Variants in SGTA observed in about 807,000 individuals in gnomAD.
The protein encoded by SGTA is small glutamine-rich tetratricopeptide repeat-containing protein alpha.
In SGTA, 22 loss-of-function variants were observed where a neutral mutation model predicts 44.3. The ratio of observed to expected loss-of-function variants is 0.50; its 90% CI spans 0.36 to 0.71. SGTA has a LOEUF of 0.71. Among genes scored for constraint, SGTA ranks in the 30% least tolerant of loss-of-function variants. The probability of loss-of-function intolerance (pLI) is 0.00; values close to 1 mark genes in which losing one functional copy is unlikely to be tolerated. For missense variants in SGTA, 341 were observed against 435.9 expected, an observed-to-expected ratio of 0.78 and a Z score of 1.94; for synonymous variants, 174 against 177.6, an observed-to-expected ratio of 0.98 and a Z score of 0.16.
chr19:2,759,290 G>A lies in SGTA; in HGVS notation c.704C>T (p.Ser235Leu), dbSNP rs1262897087. ...AATCTGGGGATTGTTCATTAGGTTC[G>A]AAGCCTGAAGAACAGAACAAATTTG... ...LNNPGFMSMA[S>L]NLMNNPQIQQ... The change falls in exon 9 of 12, where the codon TCG (serine) becomes TTG (leucine). Residue 235 changes from serine to leucine, a missense_variant. Physicochemically the swap from Ser to Leu is moderately radical, Grantham distance 145. Transcript: ENST00000221566. The A allele has an allele frequency of 2.5e-6, 4 of 1,613,870 alleles. No individual in the cohort carries two copies. The highest frequency in any genetic ancestry group is 1.1e-5 in the South Asian group (1 of 91,060).
At chr19:2,779,181 T>C (rs879756733) in intron 1 of SGTA, among the ~76,000 whole-genome samples, 7 of 152,172 alleles carry the variant, frequency 4.6e-5, no homozygotes, top group Middle Eastern at 3.2e-3. Flanking sequence ...ACAGGTCAGC[T>C]TTTTCTGTCC....
At position 2,761,498 on chromosome 19, in the gene SGTA, T is replaced by C. The variant is rs1331199398; in HGVS notation, c.661A>G (p.Ile221Val). ...CCAGGGTTGTTCAGCAGGCCGGCGA[T>C]GTCGAAGCTGCCCACGCCTCCCGTC... is the stretch of plus-strand genomic sequence containing the variant. ...SPTGGVGSFD[I>V]AGLLNNPGFM... is the part of the protein sequence containing the mutation. Residue 221 changes from isoleucine to valine, a missense_variant, in exon 8 of 12, where the codon ATC becomes GTC. Coordinates refer to ENST00000221566, the MANE Select transcript of SGTA (RefSeq NM_003021.4). This position sits in a 1 kb window ranked among gnomAD's most constrained non-coding sequence, Gnocchi z 5.7. 5.8e-6 allele frequency: 9 copies of C among 1,551,524 alleles called. No homozygotes were observed. Among genetic ancestry groups the C allele is most frequent in the South Asian group, 2.4e-5 (2 of 84,064 alleles).
chr19:2,769,403 C>T (rs1915237230), intron 1 of SGTA, among the ~76,000 whole-genome samples: 1 of 152,128 alleles, frequency 6.6e-6, no homozygotes, highest in South Asian at 2.1e-4. Flanking sequence ...CCACGGAGGT[C>T]CCCTCCGCCC....
chr19:2,756,337 G>A (rs1178871060), intron 11 of SGTA, among the ~76,000 whole-genome samples: 1 of 151,860 alleles, frequency 6.6e-6, no homozygotes, highest in Admixed American at 6.6e-5. Flanking sequence ...CTGAATGCAC[G>A]GCTCACACTT....
Position 2,765,206 on chromosome 19 carries a change from G to C in SGTA, c.372C>G (p.Asn124Lys). 1.2e-6 allele frequency: 2 copies of C among 1,614,006 alleles called. No homozygotes were observed. Among genetic ancestry groups the C allele is most frequent in the Non-Finnish European group, 1.7e-6 (2 of 1,179,922 alleles). ...YGKAIELNPA[N>K]AVYFCNRAAA... ...GGTACCTGTTGCAGAAATAGACGGC[G>C]TTGGCTGGGTTGAGCTCGATGGCTT... is the stretch of plus-strand genomic sequence containing the variant. The change falls in exon 5 of 12, where the codon AAC becomes AAG. Residue 124 changes from asparagine to lysine, a missense_variant. Coordinates refer to ENST00000221566, the MANE Select transcript of SGTA (RefSeq NM_003021.4). This position sits in a 1 kb window ranked among gnomAD's most constrained non-coding sequence, Gnocchi z 5.5.
rs201639336 is a variant in SGTA, at chr19:2,759,548, G to A, written c.700-254C>T. 22 of 518,466 alleles carry A rather than the reference G, an allele frequency of 4.2e-5. No homozygotes were observed. In the East Asian group the frequency reaches 4.6e-4, roughly 11 times the overall value. The allele number at this position is 518,466 out of a possible 1,614,324, so 32.1% of individuals were successfully genotyped here. ...AGGAGCGATCTCGCAGCGCCACAGC[G>A]CTCTCTCACTGGCTGCTGCGGTTTT... is the stretch of plus-strand genomic sequence containing the variant. On this transcript the variant is annotated intron_variant, in intron 8 of 11. Transcript: ENST00000221566.
intron 8 of SGTA, 70 bp from the exon 9 acceptor site, chr19:2,759,364 T>G: frequency 6.8e-7 from 1 of 1,462,266 alleles, no homozygotes; most frequent in Non-Finnish European, 9.6e-7. Context: ...TCAGACACTT[T>G]CCATCTTAAC....
intron 1 of SGTA, among the ~76,000 whole-genome samples, chr19:2,769,752 G>A (rs2144732099): frequency 8.5e-6 from 1 of 117,356 alleles, no homozygotes; most frequent in East Asian, 2.3e-4. Flanking sequence ...CCCCCCTCTA[G>A]TTCCCCCTCG....
intron 8 of SGTA, among the ~76,000 whole-genome samples, chr19:2,760,949 G>A (rs1914972533): frequency 6.6e-6 from 1 of 152,206 alleles, no homozygotes; most frequent in South Asian, 2.1e-4. Context: ...GCTCTCCGAG[G>A]ATCCCAGTCA....
intron 1 of SGTA, among the ~76,000 whole-genome samples, chr19:2,771,370 G>C (rs1287435901): frequency 6.6e-6 from 1 of 152,094 alleles, no homozygotes; most frequent in African/African-American, 2.4e-5. Flanking sequence ...GTTGCAGTGA[G>C]CTGAGATCAC....
At chr19:2,772,680 G>C (rs1462573828) in intron 1 of SGTA, among the ~76,000 whole-genome samples, 2 of 152,238 alleles carry the variant, frequency 1.3e-5, no homozygotes, top group Non-Finnish European at 2.9e-5. Flanking sequence ...GGTCCCTAGA[G>C]CAATAACCAA....
At chr19:2,768,925 G>A in intron 2 of SGTA, 44 bp downstream of exon 2, 5 of 1,445,968 alleles carry the variant, frequency 3.5e-6, no homozygotes, top group Non-Finnish European at 4.9e-6. Context: ...CGACTGTGCT[G>A]GCCGCTGCCC....
chr19:2,779,328 G>A (rs1403029496), intron 1 of SGTA, among the ~76,000 whole-genome samples: 1 of 152,120 alleles, frequency 6.6e-6, no homozygotes, highest in Non-Finnish European at 1.5e-5. Flanking sequence ...ACAGGCCAGT[G>A]GTGCCAGGAC....
intron 1 of SGTA, among the ~76,000 whole-genome samples, chr19:2,781,746 A>T (rs1390591206): frequency 1.3e-5 from 2 of 152,118 alleles, no homozygotes; most frequent in East Asian, 3.9e-4. Flanking sequence ...TTCTCTCTGC[A>T]CGAAATTGGG....
chr19:2,763,846 C>T lies in SGTA; in HGVS notation c.393-89G>A, dbSNP rs535305854. On this transcript the variant is annotated intron_variant, in intron 5 of 11. Coordinates refer to ENST00000221566, the MANE Select transcript of SGTA (RefSeq NM_003021.4). This position sits in a 1 kb window ranked among gnomAD's most constrained non-coding sequence, Gnocchi z 5.8. ...AGGGGAGCCTGAGAGCTGCGTTCCTCTCCAACTTCCTGGAGGAACGGCCTC... is the reference window on the plus strand; with the variant it reads ...AGGGGAGCCTGAGAGCTGCGTTCCTTTCCAACTTCCTGGAGGAACGGCCTC... 6 of 977,768 alleles carry T rather than the reference C, an allele frequency of 6.1e-6. No homozygotes were observed. Among genetic ancestry groups the T allele is most frequent in the East Asian group, 5.3e-5 (2 of 38,044 alleles). The allele number at this position is 977,768 out of a possible 1,614,324, so 60.6% of individuals were successfully genotyped here.
In SGTA at chr19:2,765,235, C is replaced by T. The variant is rs761867907; in HGVS notation, c.343G>A (p.Gly115Arg). The change falls in exon 5 of 12, where the codon GGA (glycine) becomes AGA (arginine). Residue 115 changes from glycine to arginine, a missense_variant. Gly to Arg is a moderately radical substitution (Grantham distance 125). Coordinates refer to ENST00000221566, the MANE Select transcript of SGTA (RefSeq NM_003021.4). The surrounding 1 kb of genome is among the most constrained non-coding windows in gnomAD (Gnocchi z 5.5). The part of the protein sequence containing the change: ...ENFEAAVHFY[G>R]KAIELNPANA... ...GCTGGGTTGAGCTCGATGGCTTTTC[C>T]GTAGAAATGCACGGCAGCTTCAAAG... is the stretch of plus-strand genomic sequence containing the variant. The T allele has an allele frequency of 3.7e-6, 6 of 1,613,976 alleles. No homozygotes were observed. The African/African-American group carries it at 4.0e-5, about 11-fold the overall frequency.
In SGTA at chr19:2,763,685, G is replaced by A; in HGVS notation, c.465C>T (p.Asp155=). 6.2e-7 allele frequency: 1 copy of A among 1,613,774 alleles called. No individual in the cohort carries two copies. The highest frequency in any genetic ancestry group is 8.5e-7 in the Non-Finnish European group (1 of 1,179,954). ...VQDCERAICI[D]PAYSKAYGRM... is the part of the protein sequence containing the mutation. The stretch of plus-strand genomic sequence containing the variant: ...TGCCGTAGGCCTTGCTGTAGGCCGG[G>A]TCAATGCAGATGGCCCGCTCACAGT... The change falls in exon 6 of 12, where the codon GAC becomes GAT. Residue 155 remains aspartate (D), a synonymous_variant. Coordinates refer to ENST00000221566, the MANE Select transcript of SGTA (RefSeq NM_003021.4). This position sits in a 1 kb window ranked among gnomAD's most constrained non-coding sequence, Gnocchi z 5.8.
chr19:2,780,211 G>T (rs1221320181), intron 1 of SGTA, among the ~76,000 whole-genome samples: 1 of 152,124 alleles, frequency 6.6e-6, no homozygotes, highest in African/African-American at 2.4e-5. Context: ...TCACACCCCA[G>T]TAGGAAGGGC....
chr19:2,761,570 C>G lies in SGTA; in HGVS notation c.637-48G>C. On this transcript the variant is annotated intron_variant, in intron 7 of 11. Coordinates refer to ENST00000221566, the MANE Select transcript of SGTA (RefSeq NM_003021.4). This position sits in a 1 kb window ranked among gnomAD's most constrained non-coding sequence, Gnocchi z 5.7. ...TTAGTGGGGCCTGGACCAGAGGCCACGGTGAATAACCCCCTGGAACTCAGA... is the reference window on the plus strand; with the variant it reads ...TTAGTGGGGCCTGGACCAGAGGCCAGGGTGAATAACCCCCTGGAACTCAGA... 7.0e-7 allele frequency: 1 copy of G among 1,431,568 alleles called. No individual in the cohort carries two copies. Among genetic ancestry groups the G allele is most frequent in the South Asian group, 1.2e-5 (1 of 81,828 alleles). 88.7% of individuals were successfully genotyped at this position (1,431,568 alleles called of 1,614,324 possible). A position where few individuals can be genotyped will look rare whatever the true frequency, so the allele number is the denominator to read the frequency against.
Sources: gnomAD v4.1 joint callset for allele counts (sites outside exome capture counted in the v4.1 genomes callset) on GRCh38, gnomAD v4.1.1 for gene constraint, Gnocchi (gnomAD v3.1) non-coding constraint, MANE v1.5 for transcripts, NCBI Gene and HGNC (gene_info 2026-07-23, HGNC 2026-07-21) for gene names.